PTGER4: variants seen among roughly 807,000 people sequenced by gnomAD.
The protein encoded by PTGER4 is prostaglandin E receptor 4, also known as prostaglandin E2 receptor EP4 subtype.
Under a neutral mutation model 33.2 loss-of-function variants are expected in PTGER4, and 11 were observed. That is an observed-to-expected ratio of 0.33 (90% confidence interval 0.21 to 0.55). The LOEUF (loss-of-function observed/expected upper bound fraction) is 0.55, where lower values mean the gene tolerates loss of function less well. PTGER4 is among the 20% of genes least tolerant of loss of function. The pLI is 0.92. For synonymous variants in PTGER4, 275 were observed against 281.5 expected (o/e 0.98, Z 0.23); for missense variants, 481 against 650.2 (o/e 0.74, Z 2.83).
the PTGER4 span, among the ~76,000 whole-genome samples, chr5:40,733,672 A>C: frequency 1.3e-5 from 2 of 152,166 alleles, no homozygotes; most frequent in African/African-American, 4.8e-5. Context: ...ACATTCTTCA[A>C]GGCAAAGAGC....
chr5:40,716,397 C>T, the PTGER4 span: 10 of 1,613,946 alleles, frequency 6.2e-6, no homozygotes, highest in Non-Finnish European at 8.5e-6. Context: ...TCTGTGCTAC[C>T]TTCTGCTGCT....
chr5:40,719,711 A>G, the PTGER4 span, among the ~76,000 whole-genome samples: 1 of 152,170 alleles, frequency 6.6e-6, no homozygotes, highest in African/African-American at 2.4e-5. Flanking sequence ...CCAACACTTC[A>G]TATTGTCCAT....
the PTGER4 span, among the ~76,000 whole-genome samples, chr5:40,700,986 T>G: frequency 6.6e-6 from 1 of 152,156 alleles, no homozygotes; most frequent in Non-Finnish European, 1.5e-5. Flanking sequence ...ATAAAGACCC[T>G]ACATAAAGCC....
At chr5:40,735,380 A>G in the PTGER4 span, among the ~76,000 whole-genome samples, 1 of 152,216 alleles carries the variant, frequency 6.6e-6, no homozygotes, top group African/African-American at 2.4e-5. Flanking sequence ...AAGTGAAAAC[A>G]GAAAGAGGAA....
chr5:40,679,977 C>T lies in PTGER4; in HGVS notation c.-545C>T. On this transcript the variant is annotated 5_prime_UTR_variant, in exon 1 of 3. Coordinates refer to ENST00000302472, the MANE Select transcript of PTGER4 (RefSeq NM_000958.3). ...GGCAGCCCGAGAGGAAGATGAACAGCCCCAGGCCAGAGCCTCTGGCAGAGT... is the reference window on the plus strand; with the variant it reads ...GGCAGCCCGAGAGGAAGATGAACAGTCCCAGGCCAGAGCCTCTGGCAGAGT... 1 of 153,004 alleles carries T rather than the reference C, an allele frequency of 6.5e-6. No homozygotes were observed. The highest frequency in any genetic ancestry group is 1.5e-5 in the Non-Finnish European group (1 of 68,542). The allele number at this position is 153,004 out of a possible 1,614,324, so 9.5% of individuals were successfully genotyped here. A position where few individuals can be genotyped will look rare whatever the true frequency, so the allele number is the denominator to read the frequency against.
intron 2 of PTGER4, among the ~76,000 whole-genome samples, chr5:40,689,301 G>T (rs1308328370): frequency 1.3e-5 from 2 of 152,148 alleles, no homozygotes; most frequent in Admixed American, 6.5e-5. Context: ...GAGACCTATA[G>T]CTAATTAAGA....
At chr5:40,741,850 G>A in the PTGER4 span, among the ~76,000 whole-genome samples, 49 of 152,128 alleles carry the variant, frequency 3.2e-4, no homozygotes, top group African/African-American at 4.6e-4. Flanking sequence ...TTAGCCAGGC[G>A]TGGTGGCACA....
chr5:40,694,359 ATTTT>A (rs1461558098), downstream of PTGER4, among the ~76,000 whole-genome samples: 1 of 151,838 alleles, frequency 6.6e-6, no homozygotes, highest in Non-Finnish European at 1.5e-5. Flanking sequence ...CCATTTTTAC[ATTTT>A]TAAATGCAAA....
Position 40,693,313 on chromosome 5 carries a change from T to TA in PTGER4, c.*941dup, listed in dbSNP as rs1561132572. 2 of 973,404 alleles carry TA rather than the reference T, an allele frequency of 2.1e-6. No individual in the cohort carries two copies. The highest frequency in any genetic ancestry group is 3.5e-5 in the African/African-American group (2 of 57,062). 60.3% of individuals were successfully genotyped at this position (973,404 alleles called of 1,614,324 possible). On this transcript the variant is annotated 3_prime_UTR_variant, in exon 3 of 3. Transcript: ENST00000302472. ...TAACCCATAATTGAAGTGTATAATA[T>TA]AAAAAATTTTAAAAATCTAAGCAGC...
At chr5:40,697,228 A>AAGAAAG (rs772509044), downstream of PTGER4, among the ~76,000 whole-genome samples, 2,330 of 36,842 alleles carry the variant, frequency 0.063, 58 homozygotes, top group Non-Finnish European at 0.068. Context: ...GAAAGAAGAA[A>AAGAAAG]AGAAAGAAAG....
At chr5:40,713,679 G>A in the PTGER4 span, among the ~76,000 whole-genome samples, 2 of 152,138 alleles carry the variant, frequency 1.3e-5, no homozygotes, top group Non-Finnish European at 2.9e-5. Context: ...ACTAATGAGT[G>A]TCTATGCCAT....
At chr5:40,712,211 A>C in the PTGER4 span, among the ~76,000 whole-genome samples, 2 of 152,142 alleles carry the variant, frequency 1.3e-5, no homozygotes, top group South Asian at 4.1e-4. Context: ...TATCCTGAAC[A>C]AATGTTTACC....
the PTGER4 span, among the ~76,000 whole-genome samples, chr5:40,738,339 C>T: frequency 2.6e-5 from 4 of 151,414 alleles, no homozygotes; most frequent in South Asian, 2.1e-4. Context: ...TGCTTGAACC[C>T]GGGAGGTGGA....
chr5:40,681,293 C>T lies in PTGER4; in HGVS notation c.300C>T (p.Leu100=). 6.2e-7 allele frequency: 1 copy of T among 1,614,196 alleles called. No homozygotes were observed. The highest frequency in any genetic ancestry group is 8.5e-7 in the Non-Finnish European group (1 of 1,180,044). ...GCGAGTACAGCACCTTCATTCTGCT[C>T]TTCTTCAGCCTGTCCGGCCTCAGCA... ...PLCEYSTFIL[L]FFSLSGLSII... is the part of the protein sequence containing the mutation. Residue 100 remains leucine (L), a synonymous_variant, in exon 2 of 3, where the codon CTC becomes CTT. Transcript: ENST00000302472. The surrounding 1 kb of genome is among the most constrained non-coding windows in gnomAD (Gnocchi z 9.8).
At chr5:40,684,122 C>T (rs1741264607) in intron 2 of PTGER4, among the ~76,000 whole-genome samples, 1 of 45,424 alleles carries the variant, frequency 2.2e-5, no homozygotes, top group Non-Finnish European at 4.1e-5. Flanking sequence ...TGCCACCCAC[C>T]CACCCCCCCC....
At chr5:40,743,684 G>A in the PTGER4 span, among the ~76,000 whole-genome samples, 1 of 152,106 alleles carries the variant, frequency 6.6e-6, no homozygotes, top group Non-Finnish European at 1.5e-5. Context: ...GAGGCAGGGA[G>A]GATTGCTTAA....
the PTGER4 span, among the ~76,000 whole-genome samples, chr5:40,720,507 G>T: frequency 6.6e-6 from 1 of 152,130 alleles, no homozygotes; most frequent in Non-Finnish European, 1.5e-5. Context: ...CCAAAGAGCT[G>T]CAATTACATT....
chr5:40,695,112 A>ATT (rs1741561772), downstream of PTGER4, among the ~76,000 whole-genome samples: 1 of 152,216 alleles, frequency 6.6e-6, no homozygotes. Context: ...TTGCAGGACT[A>ATT]TTAAAATGGT....
At chr5:40,709,675 A>G in the PTGER4 span, among the ~76,000 whole-genome samples, 1 of 152,170 alleles carries the variant, frequency 6.6e-6, no homozygotes, top group African/African-American at 2.4e-5. Context: ...CAGAATTGGA[A>G]AAAACTACTT....
Sources: allele counts gnomAD v4.1 joint callset (sites outside exome capture counted in the v4.1 genomes callset), GRCh38; gene constraint gnomAD v4.1.1; non-coding constraint Gnocchi (gnomAD v3.1); transcripts MANE v1.5; gene names NCBI Gene and HGNC (gene_info 2026-07-23, HGNC 2026-07-21).